The following TRAPPC13 variants were observed in gnomAD, a reference collection of about 807,000 sequenced individuals.
TRAPPC13 encodes trafficking protein particle complex subunit 13.
Under a neutral mutation model 54.0 loss-of-function variants are expected in TRAPPC13, and 39 were observed. The ratio of observed to expected loss-of-function variants is 0.72; its 90% CI spans 0.56 to 0.94. TRAPPC13 has a LOEUF of 0.94. TRAPPC13 is among the 40% of genes least tolerant of loss of function. The pLI, the probability that TRAPPC13 is intolerant of heterozygous loss-of-function variation, is 0.00. For synonymous variants in TRAPPC13, 148 were observed against 167.7 expected, an observed-to-expected ratio of 0.88 and a Z score of 0.91; for missense variants, 386 against 488.1, an observed-to-expected ratio of 0.79 and a Z score of 1.97.
intron 8 of TRAPPC13, among the ~76,000 whole-genome samples, chr5:65,655,906 T>C (rs932827952): frequency 1.4e-5 from 2 of 141,546 alleles, no homozygotes; most frequent in Non-Finnish European, 3.2e-5. Flanking sequence ...GTTTCTTCTT[T>C]AGATTTTTTT....
intron 4 of TRAPPC13, among the ~76,000 whole-genome samples, chr5:65,640,035 AC>A (rs1755905150): frequency 6.6e-6 from 1 of 152,198 alleles, no homozygotes; most frequent in East Asian, 1.9e-4. Context: ...ACTTCCAGAA[AC>A]TGGATGCAAA....
chr5:65,629,374 T>G, intron 1 of TRAPPC13: 12 of 874,400 alleles, frequency 1.4e-5, no homozygotes, highest in East Asian at 3.3e-5. Flanking sequence ...CACATTGGGA[T>G]TGGTTTTTGT....
chr5:65,633,977 G>GTTTTT (rs67982454), intron 1 of TRAPPC13, among the ~76,000 whole-genome samples: 3 of 60,452 alleles, frequency 5.0e-5, no homozygotes, highest in Non-Finnish European at 5.7e-5. Flanking sequence ...CTCTCCCAGC[G>GTTTTT]TTTTTTTTTT....
At chr5:65,637,458 C>T (rs145656506) in intron 3 of TRAPPC13, among the ~76,000 whole-genome samples, 5 of 151,970 alleles carry the variant, frequency 3.3e-5, no homozygotes, top group East Asian at 3.9e-4. Flanking sequence ...GGTGAAACCC[C>T]GTCTCTACTA....
chr5:65,652,263 A>G (rs761988627), intron 6 of TRAPPC13, among the ~76,000 whole-genome samples: 3 of 151,782 alleles, frequency 2.0e-5, no homozygotes, highest in Non-Finnish European at 4.4e-5. Flanking sequence ...GCAAAAACCC[A>G]TGTAATGTAA....
intron 5 of TRAPPC13, 145 bp downstream of exon 5, chr5:65,647,327 A>G: frequency 1.6e-6 from 1 of 639,622 alleles, no homozygotes; most frequent in Non-Finnish European, 2.5e-6. Flanking sequence ...TTTACCAGAA[A>G]TAAAGTTTAA....
chr5:65,629,620 A>T, intron 1 of TRAPPC13: 1 of 1,535,746 alleles, frequency 6.5e-7, no homozygotes, highest in Non-Finnish European at 8.7e-7. Context: ...ATTATCGACC[A>T]TGTGAGAGTG....
At chr5:65,639,757 G>A (rs1282435114) in intron 4 of TRAPPC13, among the ~76,000 whole-genome samples, 2 of 152,210 alleles carry the variant, frequency 1.3e-5, no homozygotes, top group Non-Finnish European at 2.9e-5. Context: ...GTAGAAAATG[G>A]AACAGTTAGA....
chr5:65,637,644 A>G (rs2150669762), intron 3 of TRAPPC13, 52 bp from the exon 4 acceptor site: 2 of 1,174,654 alleles, frequency 1.7e-6, no homozygotes, highest in African/African-American at 1.6e-5. Flanking sequence ...AAAAAAAAAA[A>G]AGAAAAAAAA....
At chr5:65,642,807 C>T (rs1294000723) in intron 4 of TRAPPC13, among the ~76,000 whole-genome samples, 1 of 152,142 alleles carries the variant, frequency 6.6e-6, no homozygotes, top group Non-Finnish European at 1.5e-5. Context: ...ACTGCAGTTG[C>T]ATACCACCAC....
intron 1 of TRAPPC13, among the ~76,000 whole-genome samples, chr5:65,631,247 C>T (rs1214412415): frequency 2.0e-5 from 3 of 152,150 alleles, no homozygotes; most frequent in African/African-American, 7.2e-5. Context: ...GACATGTTTA[C>T]CTTGAAGCTC....
chr5:65,629,645 C>T (rs887596035), intron 1 of TRAPPC13: 16 of 1,535,790 alleles, frequency 1.0e-5, no homozygotes, highest in African/African-American at 1.4e-5. Context: ...CACACAACTG[C>T]CAAAAATTGC....
intron 2 of TRAPPC13, 146 bp from the exon 3 acceptor site, chr5:65,635,798 G>T: frequency 5.9e-6 from 3 of 509,066 alleles, no homozygotes; most frequent in Non-Finnish European, 1.0e-5. Context: ...ATGCTTTGTT[G>T]TATTAAAATC....
At chr5:65,635,170 AT>A in intron 1 of TRAPPC13, 130 bp from the exon 2 acceptor site, 1 of 800,698 alleles carries the variant, frequency 1.2e-6, no homozygotes, top group Non-Finnish European at 1.9e-6. Context: ...AGTATGTAGT[AT>A]TATATTTAGG....
At chr5:65,663,952 C>T (rs1199797697) in intron 11 of TRAPPC13, 2 of 308,270 alleles carry the variant, frequency 6.5e-6, no homozygotes, top group African/African-American at 2.2e-5. Context: ...AATGGTAGCA[C>T]CAGATCAGCA....
At chr5:65,663,968 A>C in intron 11 of TRAPPC13, 1 of 355,730 alleles carries the variant, frequency 2.8e-6, no homozygotes, top group Non-Finnish European at 5.1e-6. Context: ...CAGCACCAGG[A>C]GGCCAGTGTT....
chr5:65,663,950 C>A (rs1356122770), intron 11 of TRAPPC13: 15 of 304,816 alleles, frequency 4.9e-5, no homozygotes, highest in Non-Finnish European at 9.0e-5. Context: ...AAAATGGTAG[C>A]ACCAGATCAG....
At chr5:65,634,045 C>G (rs1232838594) in intron 1 of TRAPPC13, among the ~76,000 whole-genome samples, 1 of 137,404 alleles carries the variant, frequency 7.3e-6, no homozygotes, top group Non-Finnish European at 1.5e-5. Flanking sequence ...GAGTACAGTG[C>G]CGCAATCTCG....
chr5:65,662,033 G>A lies in TRAPPC13; in HGVS notation c.898-17G>A, dbSNP rs1464599899. 1 of 1,577,480 alleles carries A rather than the reference G, an allele frequency of 6.3e-7. No individual in the cohort carries two copies. Among genetic ancestry groups the A allele is most frequent in the Non-Finnish European group, 8.6e-7 (1 of 1,160,450 alleles). On this transcript the variant is annotated splice_polypyrimidine_tract_variant and intron_variant, in intron 10 of 12. Coordinates refer to ENST00000399438, the MANE Select transcript of TRAPPC13 (RefSeq NM_024941.4). ...TTTGTGATAGATATACATTAACTGT[G>A]TTGCTTGTTTTCTTAGGCTCCAGGT...
Sources: allele counts gnomAD v4.1 joint callset (sites outside exome capture counted in the v4.1 genomes callset), GRCh38; gene constraint gnomAD v4.1.1; transcripts MANE v1.5; gene names NCBI Gene and HGNC (gene_info 2026-07-23, HGNC 2026-07-21).